Variants in DMXL1 observed in about 807,000 individuals in gnomAD.
DMXL1 encodes the protein Dmx like 1.
Under a neutral mutation model 319.2 loss-of-function variants are expected in DMXL1, and 99 were observed. That is an observed-to-expected ratio of 0.31 (90% CI 0.26 to 0.37). DMXL1 has a LOEUF of 0.37. Among genes scored for constraint, DMXL1 ranks in the 10% least tolerant of loss-of-function variants. DMXL1 has a pLI of 1.00. For synonymous variants in DMXL1, 1,385 were observed against 1,235.2 expected (o/e 1.12, Z -2.54); for missense variants, 3,745 against 3,595.6 (o/e 1.04, Z -1.06).
chr5:119,110,580 G>A (rs1759357891), intron 5 of DMXL1, among the ~76,000 whole-genome samples: 2 of 152,258 alleles, frequency 1.3e-5, no homozygotes, highest in Non-Finnish European at 2.9e-5. Flanking sequence ...TTGAATGGAA[G>A]ACTTCCTATT....
chr5:119,145,492 G>A (rs1768317845), intron 15 of DMXL1, among the ~76,000 whole-genome samples: 2 of 150,960 alleles, frequency 1.3e-5, no homozygotes, highest in African/African-American at 2.4e-5. Flanking sequence ...CTAAAAATGG[G>A]GATTAAAGAT....
chr5:119,189,729 G>T lies in DMXL1; in HGVS notation c.7157G>T (p.Gly2386Val). Residue 2386 changes from glycine (G) to valine (V), a missense_variant, in exon 29 of 44, where the codon GGA becomes GTA. Coordinates refer to ENST00000539542, the MANE Select transcript of DMXL1 (RefSeq NM_001290321.3). The stretch of plus-strand genomic sequence containing the variant: ...TTAGTTTCTTCACTAGTTGAAGAAG[G>T]AGAAAAACAGAACAAACGTTTTAGG... ...TLPVSSLVEE[G>V]EKQNKRFRPS... 6.2e-7 allele frequency: 1 copy of T among 1,613,908 alleles called. No individual in the cohort carries two copies. Among genetic ancestry groups the T allele is most frequent in the Middle Eastern group, 1.7e-4 (1 of 6,058 alleles).
chr5:119,145,862 G>T (rs1305984278), intron 15 of DMXL1, among the ~76,000 whole-genome samples: 1 of 151,612 alleles, frequency 6.6e-6, no homozygotes, highest in Non-Finnish European at 1.5e-5. Flanking sequence ...TTATGAAGAA[G>T]AAAAATGTTT....
At chr5:119,114,731 C>G (rs974166581) in intron 6 of DMXL1, among the ~76,000 whole-genome samples, 190 bp downstream of exon 6, 1 of 152,142 alleles carries the variant, frequency 6.6e-6, no homozygotes, top group Admixed American at 6.5e-5. Context: ...TGCAGTGGCA[C>G]GATCTCGGCT....
At chr5:119,244,121 CTAAG>C (rs1467938061) in intron 42 of DMXL1, among the ~76,000 whole-genome samples, 1 of 152,152 alleles carries the variant, frequency 6.6e-6, no homozygotes, top group Non-Finnish European at 1.5e-5. Context: ...TCAGGAAACT[CTAAG>C]TAGTAAGCTA....
At position 119,203,647 on chromosome 5, in the gene DMXL1, C is replaced by T. The variant is rs10063561; in HGVS notation, c.7863+211C>T. Among the ~76,000 whole-genome samples, 235 of 151,894 alleles carry T rather than the reference C, an allele frequency of 1.5e-3. 1 individual carries two copies. The highest frequency in any genetic ancestry group is 6.8e-3 in the Middle Eastern group (2 of 294). On this transcript the variant is annotated intron_variant, in intron 33 of 43. Coordinates refer to ENST00000539542, the MANE Select transcript of DMXL1 (RefSeq NM_001290321.3). ...TCAAATGTATTTGGGACTTTTTTCT[C>T]GATAAAAATGTTTAATATTCCGCAT...
chr5:119,186,577 ATTAAC>A (rs1185856222), intron 28 of DMXL1, among the ~76,000 whole-genome samples: 4 of 152,374 alleles, frequency 2.6e-5, no homozygotes, highest in Non-Finnish European at 5.9e-5. Context: ...AAAAGTAAAT[ATTAAC>A]TTAATAACCT....
chr5:119,186,856 A>G (rs1777810865), intron 28 of DMXL1, among the ~76,000 whole-genome samples: 1 of 151,666 alleles, frequency 6.6e-6, no homozygotes, highest in South Asian at 2.1e-4. Flanking sequence ...TGTACAGTCT[A>G]CTATCTTGAC....
At chr5:119,168,712 G>T (rs1463184285) in intron 23 of DMXL1, among the ~76,000 whole-genome samples, 1 of 150,268 alleles carries the variant, frequency 6.7e-6, no homozygotes. Context: ...TTTTTTTAGT[G>T]TTTTTATTTA....
At chr5:119,105,940 A>G (rs562055760) in intron 4 of DMXL1, among the ~76,000 whole-genome samples, 10 of 151,796 alleles carry the variant, frequency 6.6e-5, no homozygotes, top group Non-Finnish European at 1.2e-4. Flanking sequence ...TATATGTATC[A>G]GTTATCTATT....
At chr5:119,211,953 C>T (rs895254294) in intron 34 of DMXL1, among the ~76,000 whole-genome samples, 2 of 152,150 alleles carry the variant, frequency 1.3e-5, no homozygotes, top group African/African-American at 4.8e-5. Context: ...TGGTGTTAAT[C>T]TATTGTAACT....
At chr5:119,077,650 T>C (rs891279672) in intron 1 of DMXL1, among the ~76,000 whole-genome samples, 1 of 141,850 alleles carries the variant, frequency 7.0e-6, no homozygotes, top group African/African-American at 2.9e-5. Context: ...TTTTTTTTTT[T>C]TGTATATGTG....
rs78340169 is a variant in DMXL1 at position 119,159,771 on chromosome 5, G to C, written c.4703-4736G>C. Among the ~76,000 whole-genome samples the C allele has an allele frequency of 6.6e-5, 10 of 152,178 alleles. No homozygotes were observed. The East Asian group carries it at 1.9e-3, about 30-fold the overall frequency. ...CTCAAGTAGCTGGGATTACAGGTTT[G>C]CTCCACCACACCCAGCTAATTTTTG... On this transcript the variant is annotated intron_variant, in intron 19 of 43. Coordinates refer to ENST00000539542, the MANE Select transcript of DMXL1 (RefSeq NM_001290321.3).
Position 119,071,517 on chromosome 5 carries a change from T to A in DMXL1, c.-53T>A. ...GGGAAGGAGGGAGGGAAGCAGCCGCTGACCCGTGGCATGAGCTGGATGCGG... is the reference window on the plus strand; with the variant it reads ...GGGAAGGAGGGAGGGAAGCAGCCGCAGACCCGTGGCATGAGCTGGATGCGG... On this transcript the variant is annotated 5_prime_UTR_variant, in exon 1 of 44. Transcript: ENST00000539542. 1 of 1,534,836 alleles carries A rather than the reference T, an allele frequency of 6.5e-7. No individual in the cohort carries two copies. The highest frequency in any genetic ancestry group is 8.9e-7 in the Non-Finnish European group (1 of 1,127,686).
At chr5:119,203,997 T>G (rs530196052) in intron 33 of DMXL1, among the ~76,000 whole-genome samples, 16 of 152,168 alleles carry the variant, frequency 1.1e-4, no homozygotes, top group African/African-American at 3.9e-4. Context: ...TAATTTTTTG[T>G]ATTTTTAGTA....
Position 119,148,835 on chromosome 5 carries a change from G to T in DMXL1, c.3008G>T (p.Arg1003Ile). Reference protein sequence around the residue: ...SDEKVRFWRCRVTDGESATSK... With the variant: ...SDEKVRFWRCIVTDGESATSK... The stretch of plus-strand genomic sequence containing the variant: ...GAGAAAGTAAGATTCTGGAGATGCA[G>T]AGTAACAGATGGAGAATCTGCCACG... Residue 1003 changes from arginine (R) to isoleucine (I), a missense_variant, in exon 18 of 44, where the codon AGA becomes ATA. By Grantham distance (97) the Arg-to-Ile change is moderately conservative. Coordinates refer to ENST00000539542, the MANE Select transcript of DMXL1 (RefSeq NM_001290321.3). The T allele has an allele frequency of 6.2e-7, 1 of 1,613,698 alleles. No homozygotes were observed. The highest frequency in any genetic ancestry group is 8.5e-7 in the Non-Finnish European group (1 of 1,179,752).
At chr5:119,185,850 G>A in intron 28 of DMXL1, among the ~76,000 whole-genome samples, 1 of 151,936 alleles carries the variant, frequency 6.6e-6, no homozygotes, top group South Asian at 2.1e-4. Flanking sequence ...TGATTAAGAA[G>A]TACCTTCAAT....
intron 9 of DMXL1, among the ~76,000 whole-genome samples, chr5:119,123,574 T>C (rs1172837351): frequency 1.3e-5 from 2 of 152,194 alleles, no homozygotes; most frequent in African/African-American, 4.8e-5. Flanking sequence ...GATAAGGCAT[T>C]GAAGTTCATT....
At chr5:119,241,466 C>T (rs561090523) in intron 42 of DMXL1, among the ~76,000 whole-genome samples, 4 of 143,852 alleles carry the variant, frequency 2.8e-5, no homozygotes, top group South Asian at 2.2e-4. Flanking sequence ...ACCCGGGAGG[C>T]GGAGCTTGCA....
Sources: allele counts gnomAD v4.1 joint callset (sites outside exome capture counted in the v4.1 genomes callset), GRCh38; gene constraint gnomAD v4.1.1; transcripts MANE v1.5; gene names NCBI Gene and HGNC (gene_info 2026-07-23, HGNC 2026-07-21).